Variants in RLF observed in about 807,000 individuals in gnomAD.
RLF encodes the protein zinc finger protein Rlf.
Under a neutral mutation model 162.9 loss-of-function variants are expected in RLF, and 7 were observed. That is an observed-to-expected ratio of 0.04 (90% CI 0.02 to 0.08). The LOEUF is 0.08. RLF is among the 10% of genes least tolerant of loss of function. RLF has a pLI of 1.00. For synonymous variants in RLF, 782 were observed against 791.5 expected, an observed-to-expected ratio of 0.99 and a Z score of 0.20; for missense variants, 1,664 against 2,244.7, an observed-to-expected ratio of 0.74 and a Z score of 5.23.
intron 6 of RLF, among the ~76,000 whole-genome samples, chr1:40,224,623 C>CCTTTTTTTTTTTTTTTTTTTT (rs1643042674): frequency 3.0e-5 from 1 of 33,262 alleles, no homozygotes; most frequent in African/African-American, 1.2e-4. Context: ...TTTTTGAAAG[C>CCTTTTTTTTTTTTTTTTTTTT]TTTTTTTTTT....
intron 6 of RLF, 106 bp from the exon 7 acceptor site, chr1:40,231,411 T>C (rs554259275): frequency 1.1e-6 from 1 of 914,728 alleles, no homozygotes; most frequent in East Asian, 2.4e-5. Context: ...TAGTTTTTGT[T>C]TTCTCTACTG....
intron 1 of RLF, among the ~76,000 whole-genome samples, chr1:40,168,356 G>A (rs60723411): frequency 1.3e-5 from 2 of 152,100 alleles, no homozygotes; most frequent in Non-Finnish European, 2.9e-5. Context: ...AGCGATTCTC[G>A]TGCCTCAGCC....
chr1:40,185,039 A>AC (rs1048116489), intron 1 of RLF, among the ~76,000 whole-genome samples: 1 of 151,960 alleles, frequency 6.6e-6, no homozygotes, highest in Admixed American at 6.6e-5. Context: ...GGAATTTGAG[A>AC]CCAGACTGGG....
chr1:40,203,497 C>T (rs955849772), intron 5 of RLF, among the ~76,000 whole-genome samples: 3 of 151,494 alleles, frequency 2.0e-5, no homozygotes, highest in African/African-American at 7.3e-5. Context: ...GCATCGAGAT[C>T]GTGCCACTGC....
At chr1:40,189,276 T>C (rs979241682) in intron 2 of RLF, 67 bp downstream of exon 2, 34 of 1,307,750 alleles carry the variant, frequency 2.6e-5, no homozygotes, top group Non-Finnish European at 1.1e-6. Flanking sequence ...GCCTGGTTTC[T>C]CTTTACAGTG....
At chr1:40,164,650 GT>G (rs1642141275) in intron 1 of RLF, among the ~76,000 whole-genome samples, 2 of 152,128 alleles carry the variant, frequency 1.3e-5, no homozygotes, top group South Asian at 4.1e-4. Flanking sequence ...GTCTTCTCAA[GT>G]TTTTCCTGTA....
intron 6 of RLF, among the ~76,000 whole-genome samples, chr1:40,229,448 CTTTTTT>C (rs1005418216): frequency 4.4e-5 from 4 of 90,978 alleles, no homozygotes; most frequent in African/African-American, 1.4e-4. Context: ...ATTCATTTAT[CTTTTTT>C]TTTTTTTTTT....
rs1276954438 is a variant in RLF, at chr1:40,189,104, A to G, written c.287A>G (p.Tyr96Cys). Residue 96 changes from tyrosine (Y) to cysteine (C), a missense_variant, in exon 2 of 8, where the codon TAT (tyrosine) becomes TGT (cysteine). By Grantham distance (194) the Tyr-to-Cys change is radical. Transcript: ENST00000372771. ...SNKNASEHIV[Y>C]LLEVYRLAIQ... is the part of the protein sequence containing the mutation. ...AAGAATGCATCAGAACATATTGTGT[A>G]TCTTCTGGAGGTATATCGACTTGCC... The G allele has an allele frequency of 6.2e-7, 1 of 1,613,160 alleles. No homozygotes were observed. The highest frequency in any genetic ancestry group is 2.2e-5 in the East Asian group (1 of 44,872).
chr1:40,214,072 T>A (rs918654793), intron 5 of RLF, among the ~76,000 whole-genome samples: 1 of 152,258 alleles, frequency 6.6e-6, no homozygotes, highest in Non-Finnish European at 1.5e-5. Flanking sequence ...CTTTTTCTTT[T>A]TTAAGTAAAA....
At chr1:40,230,723 C>T (rs1255951163) in intron 6 of RLF, among the ~76,000 whole-genome samples, 3 of 151,984 alleles carry the variant, frequency 2.0e-5, no homozygotes, top group Admixed American at 6.6e-5. Context: ...ATGAGCCACC[C>T]GCCATGCCCG....
At chr1:40,230,493 G>A (rs370740345) in intron 6 of RLF, among the ~76,000 whole-genome samples, 8 of 151,976 alleles carry the variant, frequency 5.3e-5, no homozygotes, top group Non-Finnish European at 1.0e-4. Flanking sequence ...GTGCAGTGGC[G>A]CTATCTCAGC....
chr1:40,231,701 A>G (rs745880583), intron 7 of RLF, 43 bp downstream of exon 7: 4 of 1,542,148 alleles, frequency 2.6e-6, no homozygotes, highest in Admixed American at 2.1e-5. Context: ...GCTGGAGGAA[A>G]GAAATGAGTG....
intron 1 of RLF, among the ~76,000 whole-genome samples, chr1:40,177,669 A>G (rs1311897341): frequency 1.3e-5 from 2 of 152,130 alleles, no homozygotes; most frequent in African/African-American, 4.8e-5. Flanking sequence ...AAATCTGTCT[A>G]ATCCGAGACC....
At chr1:40,206,737 C>A (rs1259542312) in intron 5 of RLF, among the ~76,000 whole-genome samples, 1 of 152,182 alleles carries the variant, frequency 6.6e-6, no homozygotes, top group Non-Finnish European at 1.5e-5. Context: ...TCTCCAGCCG[C>A]CTTGTCTTTG....
At chr1:40,184,806 G>A (rs895319950) in intron 1 of RLF, among the ~76,000 whole-genome samples, 6 of 152,090 alleles carry the variant, frequency 3.9e-5, no homozygotes, top group African/African-American at 1.4e-4. Context: ...CAAAATAGTA[G>A]GTATTTGTGG....
intron 1 of RLF, among the ~76,000 whole-genome samples, chr1:40,178,544 T>G (rs1417030191): frequency 6.6e-6 from 1 of 151,468 alleles, no homozygotes; most frequent in Non-Finnish European, 1.5e-5. Context: ...ACTTAAAAAT[T>G]GTTCAGATGG....
At chr1:40,200,898 AC>A in intron 4 of RLF, among the ~76,000 whole-genome samples, 2 of 118,528 alleles carry the variant, frequency 1.7e-5, no homozygotes, top group Non-Finnish European at 3.4e-5. Flanking sequence ...ACACACACAC[AC>A]ACACACACAC....
At chr1:40,226,938 C>T (rs897794483) in intron 6 of RLF, among the ~76,000 whole-genome samples, 1 of 152,186 alleles carries the variant, frequency 6.6e-6, no homozygotes, top group African/African-American at 2.4e-5. Flanking sequence ...AGTCTCAGCT[C>T]ACTGCAACCT....
intron 7 of RLF, among the ~76,000 whole-genome samples, chr1:40,235,055 ATTTT>A (rs761816149): frequency 0.052 from 5,532 of 105,410 alleles, 352 homozygotes; most frequent in African/African-American, 0.19. Context: ...GATAGAGAGA[ATTTT>A]TTTTTTTTTT....
Sources: gnomAD v4.1 joint callset for allele counts (sites outside exome capture counted in the v4.1 genomes callset) on GRCh38, gnomAD v4.1.1 for gene constraint, MANE v1.5 for transcripts, NCBI Gene and HGNC (gene_info 2026-07-23, HGNC 2026-07-21) for gene names.